BOC: variants seen among roughly 807,000 people sequenced by gnomAD.
BOC encodes the protein BOC cell adhesion associated, oncogene regulated.
In BOC, 76 loss-of-function variants were observed where a neutral mutation model predicts 112.0. That is an observed-to-expected ratio of 0.68 (90% confidence interval 0.56 to 0.82). The LOEUF (loss-of-function observed/expected upper bound fraction) is 0.82, where lower values mean the gene tolerates loss of function less well. Ranked by LOEUF, BOC falls within the 40% of genes least tolerant of loss-of-function variation. The pLI, the probability that BOC is intolerant of heterozygous loss-of-function variation, is 0.00. For missense variants in BOC, 1,309 were observed against 1,511.7 expected, an observed-to-expected ratio of 0.87 and a Z score of 2.22; for synonymous variants, 580 against 599.8, an observed-to-expected ratio of 0.97 and a Z score of 0.48.
chr3:113,219,711 T>C (rs1940208256), intron 2 of BOC, among the ~76,000 whole-genome samples: 1 of 152,186 alleles, frequency 6.6e-6, no homozygotes, highest in South Asian at 2.1e-4. Context: ...AATTTAAAAC[T>C]GGGACTACAG....
At chr3:113,285,230 T>A (rs780377610) in intron 18 of BOC, 142 bp from the exon 19 acceptor site, 4 of 716,014 alleles carry the variant, frequency 5.6e-6, no homozygotes, top group Non-Finnish European at 9.5e-6. Context: ...CCTCTTGATG[T>A]TCAAAGGGGA....
intron 2 of BOC, among the ~76,000 whole-genome samples, chr3:113,238,310 T>G (rs144928557): frequency 6.6e-6 from 1 of 152,330 alleles, no homozygotes; most frequent in African/African-American, 2.4e-5. Context: ...AGGCTTTGCA[T>G]TGGAATTTGA....
intron 18 of BOC, among the ~76,000 whole-genome samples, chr3:113,285,122 A>G (rs1025638011): frequency 3.3e-5 from 5 of 152,254 alleles, no homozygotes; most frequent in Non-Finnish European, 7.3e-5. Flanking sequence ...ACCACAACTG[A>G]CTTTGCCCAT....
Position 113,277,948 on chromosome 3 carries a change from G to A in BOC, c.1543-147G>A, listed in dbSNP as rs935627365. The A allele has an allele frequency of 1.4e-5, 14 of 1,021,704 alleles. No individual in the cohort carries two copies. In the East Asian group the frequency reaches 1.5e-4, roughly 11 times the overall value. The allele number at this position is 1,021,704 out of a possible 1,614,324, so 63.3% of individuals were successfully genotyped here. A position where few individuals can be genotyped will look rare whatever the true frequency, so the allele number is the denominator to read the frequency against. On this transcript the variant is annotated intron_variant, in intron 9 of 19. Transcript: ENST00000682979. Reference sequence around the variant, plus strand: ...GTCCCATAGCCAGGGGGGCCAGTCCGAGGCTGTGCCACCCTAACCCCAACC... The same window carrying A: ...GTCCCATAGCCAGGGGGGCCAGTCCAAGGCTGTGCCACCCTAACCCCAACC...
In BOC at chr3:113,274,644, C is replaced by T. The variant is rs1044879366; in HGVS notation, c.1504C>T (p.Arg502Trp). The change falls in exon 9 of 20, where the codon CGG becomes TGG. Residue 502 changes from arginine to tryptophan, a missense_variant. Arg to Trp is a moderately radical substitution (Grantham distance 101). Coordinates refer to ENST00000682979, the MANE Select transcript of BOC (RefSeq NM_001378074.1). This position sits in a 1 kb window ranked among gnomAD's most constrained non-coding sequence, Gnocchi z 4.8. ...VWRPRHEGSG[R>W]APILYYVVKH... ...GCGGCCTCGGCATGAGGGCAGTGGC[C>T]GGGCGCCAATCCTCTACTATGTGGT... The T allele has an allele frequency of 2.1e-5, 34 of 1,608,132 alleles. No individual in the cohort carries two copies. Among genetic ancestry groups the T allele is most frequent in the Non-Finnish European group, 2.5e-5 (29 of 1,175,964 alleles).
In BOC at chr3:113,274,268, G is replaced by A. The variant is rs1030684296; in HGVS notation, c.1235-107G>A. Reference sequence around the variant, plus strand: ...GTGGGTGGCGGTACAGCTGATGGTGGGCCCAGGTTGCCTCTCTGTCTTCTT... The same window carrying A: ...GTGGGTGGCGGTACAGCTGATGGTGAGCCCAGGTTGCCTCTCTGTCTTCTT... On this transcript the variant is annotated intron_variant, in intron 8 of 19. Coordinates refer to ENST00000682979, the MANE Select transcript of BOC (RefSeq NM_001378074.1). This position sits in a 1 kb window ranked among gnomAD's most constrained non-coding sequence, Gnocchi z 4.8. The A allele has an allele frequency of 1.8e-6, 2 of 1,087,970 alleles. No homozygotes were observed. The highest frequency in any genetic ancestry group is 2.1e-4 in the Middle Eastern group (1 of 4,752). The allele number at this position is 1,087,970 out of a possible 1,614,324, so 67.4% of individuals were successfully genotyped here.
At position 113,278,120 on chromosome 3, in the gene BOC, G is replaced by A. The variant is rs1408203253; in HGVS notation, c.1568G>A (p.Trp523Ter). The A allele has an allele frequency of 6.2e-7, 1 of 1,614,096 alleles. No homozygotes were observed. The highest frequency in any genetic ancestry group is 1.3e-5 in the African/African-American group (1 of 74,916). ...CAGGTCACAAATTCCTCTGACGATT[G>A]GACCATCTCTGGCATTCCAGCCAAC... is the stretch of plus-strand genomic sequence containing the variant. ...RKQVTNSSDD[W>*]TISGIPANQH... The change falls in exon 10 of 20, where the codon TGG becomes TAG. Residue 523 changes from tryptophan to a stop codon, truncating the protein, a stop_gained. Transcript: ENST00000682979. LOFTEE classifies it high-confidence loss of function. This position sits in a 1 kb window ranked among gnomAD's most constrained non-coding sequence, Gnocchi z 4.2.
intron 4 of BOC, chr3:113,251,281 G>C (rs963114682): frequency 3.6e-6 from 1 of 278,522 alleles, no homozygotes; most frequent in African/African-American, 2.2e-5. Flanking sequence ...CATGGGCAGG[G>C]CCACGTGTAG....
chr3:113,229,963 C>T (rs902822357), intron 2 of BOC, among the ~76,000 whole-genome samples: 13 of 152,196 alleles, frequency 8.5e-5, no homozygotes, highest in African/African-American at 3.1e-4. Flanking sequence ...GCTCCCATCT[C>T]CCCAGAGATT....
chr3:113,249,826 G>T lies in BOC; in HGVS notation c.24G>T (p.Ala8=). Residue 8 remains alanine (A), a synonymous_variant, in exon 3 of 20, where the codon GCG becomes GCT. Transcript: ENST00000682979. MLRGTMT[A]WRGMRPEVTL... ...CCATGCTGCGTGGGACGATGACGGC[G>T]TGGAGAGGAATGAGGCCTGAGGTCA... The T allele has an allele frequency of 1.2e-6, 2 of 1,613,254 alleles. No individual in the cohort carries two copies. Among genetic ancestry groups the T allele is most frequent in the Non-Finnish European group, 1.7e-6 (2 of 1,179,778 alleles).
At chr3:113,227,624 C>G (rs948320671) in intron 2 of BOC, among the ~76,000 whole-genome samples, 1 of 152,158 alleles carries the variant, frequency 6.6e-6, no homozygotes, top group African/African-American at 2.4e-5. Context: ...TGCAGCTTGC[C>G]TTAATTGAAA....
chr3:113,239,299 C>T (rs111977940), intron 2 of BOC, among the ~76,000 whole-genome samples: 1 of 151,972 alleles, frequency 6.6e-6, no homozygotes, highest in Admixed American at 6.6e-5. Context: ...GAGGTAGAGT[C>T]CATACAACTG....
chr3:113,271,462 G>A (rs1948116529), intron 6 of BOC: 4 of 318,160 alleles, frequency 1.3e-5, no homozygotes, highest in Non-Finnish European at 2.5e-5. Flanking sequence ...CTACCTTTCT[G>A]TGCGCTTGCC....
At chr3:113,227,777 T>C (rs1351427749) in intron 2 of BOC, among the ~76,000 whole-genome samples, 2 of 151,936 alleles carry the variant, frequency 1.3e-5, no homozygotes, top group Admixed American at 6.6e-5. Context: ...CTTTAAAAAC[T>C]CAAAGAGCTA....
intron 2 of BOC, among the ~76,000 whole-genome samples, chr3:113,219,160 T>C (rs902423346): frequency 3.9e-5 from 6 of 152,244 alleles, no homozygotes; most frequent in Non-Finnish European, 8.8e-5. Flanking sequence ...CCCTTCATCG[T>C]GTGAGGGAAG....
At position 113,270,957 on chromosome 3, in the gene BOC, C is replaced by G. The variant is rs1380741984; in HGVS notation, c.667+13C>G. The G allele has an allele frequency of 6.2e-7, 1 of 1,614,032 alleles. No individual in the cohort carries two copies. The highest frequency in any genetic ancestry group is 1.7e-5 in the Admixed American group (1 of 60,032). On this transcript the variant is annotated intron_variant, in intron 6 of 19. Transcript: ENST00000682979. ...CTACGTGTGCGCCGTAAGGCCCGGG[C>G]CCACCTGCTGGGGGATGGGGGATCA... is the stretch of plus-strand genomic sequence containing the variant.
At chr3:113,268,759 A>C (rs1947797410) in intron 5 of BOC, among the ~76,000 whole-genome samples, 1 of 152,220 alleles carries the variant, frequency 6.6e-6, no homozygotes, top group Non-Finnish European at 1.5e-5. Context: ...GGCACACGCC[A>C]CCATGCTTGG....
At chr3:113,221,842 G>A (rs932852055) in intron 2 of BOC, among the ~76,000 whole-genome samples, 24 of 151,974 alleles carry the variant, frequency 1.6e-4, no homozygotes, top group Non-Finnish European at 2.8e-4. Context: ...CCTCTCAGGG[G>A]TCCTCACCTC....
Position 113,274,008 on chromosome 3 carries a change from T to C in BOC, c.1235-367T>C, listed in dbSNP as rs779593262. ...GTGCCGTGGTGTTAAAATTCCACCA[T>C]GAAGGGACATGTCCCCACCTCCAGC... is the stretch of plus-strand genomic sequence containing the variant. On this transcript the variant is annotated intron_variant, in intron 8 of 19. Coordinates refer to ENST00000682979, the MANE Select transcript of BOC (RefSeq NM_001378074.1). This position sits in a 1 kb window ranked among gnomAD's most constrained non-coding sequence, Gnocchi z 4.8. 1.4e-4 allele frequency among the ~76,000 whole-genome samples: 21 copies of C among 152,134 alleles called. No homozygotes were observed. The highest frequency in any genetic ancestry group is 2.5e-4 in the Non-Finnish European group (17 of 68,012).
Sources: allele counts gnomAD v4.1 joint callset (sites outside exome capture counted in the v4.1 genomes callset), GRCh38; gene constraint gnomAD v4.1.1; non-coding constraint Gnocchi (gnomAD v3.1); transcripts MANE v1.5; gene names NCBI Gene and HGNC (gene_info 2026-07-23, HGNC 2026-07-21).